The following STK32B variants were observed in gnomAD, a reference collection of about 807,000 sequenced individuals.
STK32B encodes the protein serine/threonine-protein kinase 32B.
STK32B carries 43 observed loss-of-function variants against 52.6 expected under a neutral mutation model. The ratio of observed to expected loss-of-function variants is 0.82; its 90% CI spans 0.64 to 1.05. STK32B has a LOEUF of 1.05. Ranked by LOEUF, STK32B falls within the 50% of genes least tolerant of loss-of-function variation. The pLI, the probability that STK32B is intolerant of heterozygous loss-of-function variation, is 0.00. For synonymous variants in STK32B, 238 were observed against 204.3 expected (o/e 1.17, Z -1.41); for missense variants, 621 against 534.6 (o/e 1.16, Z -1.59).
chr4:5,414,051 A>G (rs1482452021), intron 5 of STK32B, among the ~76,000 whole-genome samples: 6 of 152,212 alleles, frequency 3.9e-5, no homozygotes, highest in African/African-American at 1.4e-4. Flanking sequence ...AAGACAAACA[A>G]TTAAGCAAGC....
At position 5,182,161 on chromosome 4, in the gene STK32B, C is replaced by T. The variant is rs113567252; in HGVS notation, c.260+13711C>T. On this transcript the variant is annotated intron_variant, in intron 3 of 11. Transcript: ENST00000282908. ...TTCAAGTGTGGTCATGAGATTGCAA[C>T]AATTCAGTGATATCTTCCAGCTCTA... 1.4e-3 allele frequency among the ~76,000 whole-genome samples: 215 copies of T among 152,330 alleles called. 1 individual carries two copies. The highest frequency in any genetic ancestry group is 4.6e-3 in the African/African-American group (191 of 41,592).
intron 6 of STK32B, chr4:5,432,302 C>T (rs936420199): frequency 6.6e-6 from 1 of 152,170 alleles, no homozygotes; most frequent in Non-Finnish European, 1.5e-5. Flanking sequence ...ATGCTAATCC[C>T]TTTGAATCTG....
At chr4:5,203,884 C>T (rs1288135051) in intron 3 of STK32B, among the ~76,000 whole-genome samples, 1 of 152,182 alleles carries the variant, frequency 6.6e-6, no homozygotes, top group Admixed American at 6.5e-5. Context: ...ATTCACACAC[C>T]CCTCCCAGGT....
intron 3 of STK32B, among the ~76,000 whole-genome samples, chr4:5,180,521 C>A (rs1303317931): frequency 6.6e-6 from 1 of 152,108 alleles, no homozygotes; most frequent in Non-Finnish European, 1.5e-5. Context: ...TGTGATGGGG[C>A]CCTGGCCCCT....
chr4:5,053,687 A>G (rs888066906), intron 1 of STK32B, among the ~76,000 whole-genome samples: 1 of 152,226 alleles, frequency 6.6e-6, no homozygotes, highest in Non-Finnish European at 1.5e-5. Context: ...GCTTGTTAAA[A>G]TACAAGGTTA....
chr4:5,070,202 G>A (rs182119534), intron 1 of STK32B, among the ~76,000 whole-genome samples: 2 of 152,226 alleles, frequency 1.3e-5, no homozygotes, highest in Non-Finnish European at 2.9e-5. Flanking sequence ...CTGAACCCTC[G>A]TGCTACCTGT....
At position 5,298,987 on chromosome 4, in the gene STK32B, T is replaced by A. The variant is rs181081823; in HGVS notation, c.261-32233T>A. 1.7e-3 allele frequency among the ~76,000 whole-genome samples: 264 copies of A among 152,228 alleles called. 1 individual carries two copies. Among genetic ancestry groups the A allele is most frequent in the African/African-American group, 6.1e-3 (252 of 41,552 alleles). ...AAAACTATGGGAAAAGCATAGTATC[T>A]GGGCCAGATAGCACTGTCGCTCACG... On this transcript the variant is annotated intron_variant, in intron 3 of 11. Coordinates refer to ENST00000282908, the MANE Select transcript of STK32B (RefSeq NM_018401.3).
chr4:5,498,356 C>A (rs1560099751), intron 11 of STK32B, among the ~76,000 whole-genome samples: 1 of 152,180 alleles, frequency 6.6e-6, no homozygotes, highest in Non-Finnish European at 1.5e-5. Context: ...ACCCCCTCAA[C>A]ATAGTTTGTA....
chr4:5,432,557 A>G (rs926128734), intron 6 of STK32B, among the ~76,000 whole-genome samples: 1 of 148,630 alleles, frequency 6.7e-6, no homozygotes. Flanking sequence ...ATAGGAGTTC[A>G]TGAATAGGAG....
chr4:5,119,414 A>G (rs1577080156), intron 1 of STK32B, among the ~76,000 whole-genome samples: 1 of 152,372 alleles, frequency 6.6e-6, no homozygotes, highest in South Asian at 2.1e-4. Flanking sequence ...TGCCATTTCC[A>G]CATGGAAAAG....
rs180830806 is a variant in STK32B at position 5,398,505 on chromosome 4, C to T, written c.472+261C>T. ...TATCCCCGTGTGAGGAGGACAGGGC[C>T]GCCGTGAGGATGAGCCCGGGGTTCC... On this transcript the variant is annotated intron_variant, in intron 5 of 11. Coordinates refer to ENST00000282908, the MANE Select transcript of STK32B (RefSeq NM_018401.3). This position sits in a 1 kb window ranked among gnomAD's most constrained non-coding sequence, Gnocchi z 4.9. 4.9e-4 allele frequency among the ~76,000 whole-genome samples: 74 copies of T among 152,262 alleles called. 1 individual carries two copies. The highest frequency in any genetic ancestry group is 3.4e-3 in the Middle Eastern group (1 of 294).
chr4:5,102,436 G>GCTTGCTTCCTTCCTTC (rs1389726585), intron 1 of STK32B, among the ~76,000 whole-genome samples: 2 of 105,154 alleles, frequency 1.9e-5, no homozygotes. Context: ...CTCCTTCCTT[G>GCTTGCTTCCTTCCTTC]CTTCCTTCCT....
chr4:5,081,254 A>G (rs544679314), intron 1 of STK32B, among the ~76,000 whole-genome samples: 3 of 152,252 alleles, frequency 2.0e-5, no homozygotes, highest in East Asian at 3.9e-4. Context: ...GGAGTTCCCT[A>G]TGTGTAGTGA....
intron 4 of STK32B, among the ~76,000 whole-genome samples, chr4:5,363,293 C>A (rs1296439750): frequency 6.6e-6 from 1 of 152,164 alleles, no homozygotes; most frequent in Non-Finnish European, 1.5e-5. Context: ...AATTTATGCA[C>A]CTATTATTTC....
intron 4 of STK32B, among the ~76,000 whole-genome samples, chr4:5,339,831 A>G (rs887111808): frequency 1.3e-5 from 2 of 152,308 alleles, no homozygotes; most frequent in East Asian, 1.9e-4. Context: ...GAAAATGTTC[A>G]TAAAGAATTT....
chr4:5,492,364 G>C (rs1670183705), intron 11 of STK32B, among the ~76,000 whole-genome samples: 1 of 152,136 alleles, frequency 6.6e-6, no homozygotes, highest in African/African-American at 2.4e-5. Context: ...GTTCACTCAT[G>C]ATTTGGCTGT....
the STK32B span, among the ~76,000 whole-genome samples, chr4:5,029,964 A>C: frequency 2.1e-3 from 320 of 152,268 alleles, 1 homozygote; most frequent in African/African-American, 7.6e-3. Context: ...TGATGGTTTT[A>C]TAAGGGGCTC....
At chr4:5,071,136 G>T (rs1218488671) in intron 1 of STK32B, among the ~76,000 whole-genome samples, 2 of 152,192 alleles carry the variant, frequency 1.3e-5, no homozygotes, top group South Asian at 2.1e-4. Context: ...ACACTTAATG[G>T]TTTTAATATG....
intron 2 of STK32B, among the ~76,000 whole-genome samples, chr4:5,154,789 C>T (rs1282077721): frequency 2.6e-5 from 4 of 152,152 alleles, no homozygotes; most frequent in Non-Finnish European, 4.4e-5. Context: ...AGCTTGGTGC[C>T]CAACATGTGG....
Sources: allele counts gnomAD v4.1 joint callset (sites outside exome capture counted in the v4.1 genomes callset), GRCh38; gene constraint gnomAD v4.1.1; non-coding constraint Gnocchi (gnomAD v3.1); transcripts MANE v1.5; gene names NCBI Gene and HGNC (gene_info 2026-07-23, HGNC 2026-07-21).